Variants in DST observed in about 807,000 individuals in gnomAD.
DST encodes the protein dystonin, also known as bullous pemphigoid antigen.
Under a neutral mutation model 875.2 loss-of-function variants are expected in DST, and 253 were observed. The observed-to-expected ratio is 0.29, with a 90% CI of 0.26 to 0.32. The LOEUF is 0.32. Among genes scored for constraint, DST ranks in the 10% least tolerant of loss-of-function variants. The pLI is 1.00. For missense variants in DST, 8,287 were observed against 9,111.6 expected (o/e 0.91, Z 3.68); for synonymous variants, 3,124 against 3,197.1 (o/e 0.98, Z 0.77).
At chr6:56,886,108 T>C (rs1201127023) in intron 3 of DST, among the ~76,000 whole-genome samples, 1 of 152,184 alleles carries the variant, frequency 6.6e-6, no homozygotes, top group East Asian at 1.9e-4. Flanking sequence ...GAGCAGACTC[T>C]CAAAGATGTA....
chr6:56,706,924 G>A (rs549325133), intron 5 of DST, among the ~76,000 whole-genome samples: 11 of 152,344 alleles, frequency 7.2e-5, no homozygotes, highest in East Asian at 3.9e-4. Flanking sequence ...AGAATCACTC[G>A]AACCCAAGAG....
At chr6:56,688,018 T>A (rs2152853909) in intron 9 of DST, among the ~76,000 whole-genome samples, 1 of 152,348 alleles carries the variant, frequency 6.6e-6, no homozygotes, top group Non-Finnish European at 1.5e-5. Context: ...TACCTTTTTT[T>A]GTAAAGCCAA....
intron 43 of DST, 111 bp from the exon 44 acceptor site, chr6:56,601,787 G>T: frequency 1.5e-6 from 1 of 680,436 alleles, no homozygotes; most frequent in Non-Finnish European, 2.3e-6. Flanking sequence ...GGGAATGGAA[G>T]TTTTATGAAT....
rs1326253886 is a variant in DST at position 56,606,465 on chromosome 6, C to T, written c.8163G>A (p.Leu2721=). 1.2e-6 allele frequency: 2 copies of T among 1,613,356 alleles called. No homozygotes were observed. Among genetic ancestry groups the T allele is most frequent in the Non-Finnish European group, 1.7e-6 (2 of 1,179,546 alleles). Residue 2721 remains leucine (L), a synonymous_variant, in exon 40 of 104, where the codon CTG becomes CTA. Transcript: ENST00000680361. ...VGSDKVNGQS[L]ETGSERECTN... is the part of the protein sequence containing the mutation. ...TGCATTCCCTTTCTGATCCAGTTTC[C>T]AGTGACTGTCCATTCACCTTATCTG... is the stretch of plus-strand genomic sequence containing the variant.
intron 25 of DST, 40 bp downstream of exon 25, chr6:56,634,761 T>A: frequency 6.2e-7 from 1 of 1,609,522 alleles, no homozygotes; most frequent in Non-Finnish European, 8.5e-7. Context: ...AATATATGAA[T>A]AATGACAGAA....
chr6:56,650,702 C>T (rs1299800534), intron 12 of DST, among the ~76,000 whole-genome samples: 2 of 152,056 alleles, frequency 1.3e-5, no homozygotes, highest in Non-Finnish European at 1.5e-5. Flanking sequence ...CTATAAATAG[C>T]CTCTTTTATT....
chr6:56,717,961 A>C (rs1160028938), intron 5 of DST, among the ~76,000 whole-genome samples: 2 of 152,212 alleles, frequency 1.3e-5, no homozygotes, highest in African/African-American at 4.8e-5. Context: ...GGCTCTATCT[A>C]GGCAGCAGGC....
chr6:56,669,184 A>G (rs2099086943), intron 10 of DST, among the ~76,000 whole-genome samples: 1 of 150,958 alleles, frequency 6.6e-6, no homozygotes. Flanking sequence ...TAAATTGGTT[A>G]GTTTAATGAC....
intron 78 of DST, among the ~76,000 whole-genome samples, chr6:56,503,588 TATAC>T (rs201401722): frequency 0.018 from 1,369 of 76,170 alleles, 28 homozygotes; most frequent in African/African-American, 0.064. Context: ...TCTCTCTACC[TATAC>T]ATACACACAC....
chr6:56,688,947 G>C (rs1323943597), intron 9 of DST, among the ~76,000 whole-genome samples: 1 of 152,128 alleles, frequency 6.6e-6, no homozygotes, highest in Non-Finnish European at 1.5e-5. Context: ...TGAATTCACA[G>C]AAATTTAAAA....
At chr6:56,514,727 T>C (rs1397039988) in intron 72 of DST, among the ~76,000 whole-genome samples, 1 of 152,126 alleles carries the variant, frequency 6.6e-6, no homozygotes, top group African/African-American at 2.4e-5. Flanking sequence ...GAAATCTAGT[T>C]TTTTTCTGAC....
At chr6:56,574,203 A>G (rs2097827479) in intron 50 of DST, among the ~76,000 whole-genome samples, 4 of 152,204 alleles carry the variant, frequency 2.6e-5, no homozygotes, top group Admixed American at 2.6e-4. Context: ...TAGTCCGAAC[A>G]GCAAATCTTT....
intron 49 of DST, among the ~76,000 whole-genome samples, chr6:56,580,002 T>G (rs773456487): frequency 7.9e-5 from 12 of 152,112 alleles, no homozygotes; most frequent in Non-Finnish European, 1.5e-4. Flanking sequence ...TGAAGACAAT[T>G]CCACCGTTCG....
chr6:56,756,238 T>C (rs2099602803), intron 4 of DST, among the ~76,000 whole-genome samples: 1 of 152,044 alleles, frequency 6.6e-6, no homozygotes, highest in Admixed American at 6.6e-5. Flanking sequence ...CAGAAGTGTC[T>C]GTGTGTCTGG....
chr6:56,739,107 A>G (rs2099537114), intron 4 of DST, among the ~76,000 whole-genome samples: 1 of 148,244 alleles, frequency 6.7e-6, no homozygotes, highest in African/African-American at 2.5e-5. Context: ...TCTACCACAT[A>G]CTAGATGCCA....
intron 4 of DST, among the ~76,000 whole-genome samples, chr6:56,784,783 TGGA>T (rs2099701656): frequency 6.6e-6 from 1 of 152,246 alleles, no homozygotes; most frequent in Admixed American, 6.5e-5. Flanking sequence ...TGCGTTCCTT[TGGA>T]GGAGGAGAGG....
At chr6:56,622,197 A>T (rs540852830) in intron 36 of DST, among the ~76,000 whole-genome samples, 1 of 152,334 alleles carries the variant, frequency 6.6e-6, no homozygotes, top group African/African-American at 2.4e-5. Context: ...TCTCATGCTC[A>T]GATTTAGAAA....
chr6:56,809,372 A>G (rs2099757081), intron 4 of DST, among the ~76,000 whole-genome samples: 1 of 152,204 alleles, frequency 6.6e-6, no homozygotes. Context: ...TCAGGGTGCT[A>G]GCTAGAGTCT....
At chr6:56,726,800 A>G (rs145350812) in intron 5 of DST, among the ~76,000 whole-genome samples, 1,865 of 152,324 alleles carry the variant, frequency 0.012, 35 homozygotes, top group African/African-American at 0.042. Flanking sequence ...AAAAAGCTTT[A>G]TTTAGTTTCA....
Sources: gnomAD v4.1 joint callset for allele counts (sites outside exome capture counted in the v4.1 genomes callset) on GRCh38, gnomAD v4.1.1 for gene constraint, MANE v1.5 for transcripts, NCBI Gene and HGNC (gene_info 2026-07-23, HGNC 2026-07-21) for gene names.